Variants in TMED8 observed in about 807,000 individuals in gnomAD.
The protein encoded by TMED8 is protein TMED8.
In TMED8, 15 loss-of-function variants were observed where a neutral mutation model predicts 32.7. The ratio of observed to expected loss-of-function variants is 0.46; its 90% confidence interval spans 0.31 to 0.71. The LOEUF is 0.71. Ranked by LOEUF, TMED8 falls within the 30% of genes least tolerant of loss-of-function variation. TMED8 has a pLI of 0.06. For synonymous variants in TMED8, 147 were observed against 161.4 expected (o/e 0.91, Z 0.68); for missense variants, 390 against 423.9 (o/e 0.92, Z 0.70).
rs1892814852 is a variant in TMED8 at position 77,338,343 on chromosome 14, C to T, written c.*3428G>A. 1 of 152,206 alleles carries T rather than the reference C, an allele frequency of 6.6e-6. No individual in the cohort carries two copies. 9.4% of individuals were successfully genotyped at this position (152,206 alleles called of 1,614,324 possible). A position where few individuals can be genotyped will look rare whatever the true frequency, so the allele number is the denominator to read the frequency against. ...TCTTATTAGGTCTTTTCTGGAGAGT[C>T]TGACACCTTTTAAGGCCTAAAAAGA... On this transcript the variant is annotated 3_prime_UTR_variant, in exon 6 of 6. Transcript: ENST00000216468.
At chr14:77,366,944 CTT>C (rs1893563428) in intron 1 of TMED8, among the ~76,000 whole-genome samples, 1 of 152,086 alleles carries the variant, frequency 6.6e-6, no homozygotes. Context: ...TACACTGACT[CTT>C]TTAAAAACCT....
chr14:77,357,338 C>T (rs947044652), intron 1 of TMED8, among the ~76,000 whole-genome samples: 2 of 152,204 alleles, frequency 1.3e-5, no homozygotes, highest in Admixed American at 1.3e-4. Flanking sequence ...TCCTCATTAA[C>T]CCTGCACCTA....
intron 2 of TMED8, 38 bp from the exon 3 acceptor site, chr14:77,346,516 T>C: frequency 6.2e-7 from 1 of 1,611,744 alleles, no homozygotes; most frequent in Non-Finnish European, 8.5e-7. Context: ...CAAGGACTCT[T>C]TGAAAAGACT....
At chr14:77,343,614 T>C in intron 4 of TMED8, 83 bp downstream of exon 4, 1 of 1,590,140 alleles carries the variant, frequency 6.3e-7, no homozygotes, top group East Asian at 2.2e-5. Flanking sequence ...AGTCATTTTC[T>C]TTCCTTCCAT....
At position 77,345,995 on chromosome 14, in the gene TMED8, G is replaced by A. The variant is rs183226428; in HGVS notation, c.327+354C>T. Among the ~76,000 whole-genome samples, 228 of 146,092 alleles carry A rather than the reference G, an allele frequency of 1.6e-3. 2 individuals carry two copies. The highest frequency in any genetic ancestry group is 2.6e-3 in the Non-Finnish European group (176 of 66,452). On this transcript the variant is annotated intron_variant, in intron 3 of 5. Transcript: ENST00000216468. The stretch of plus-strand genomic sequence containing the variant: ...AAAAAAAAAAAAAAAAAAAGCTTCT[G>A]TGGAATCTTTATCATAAATACTAAA...
chr14:77,344,610 A>G (rs1417283656), intron 3 of TMED8, among the ~76,000 whole-genome samples: 2 of 152,210 alleles, frequency 1.3e-5, no homozygotes, highest in African/African-American at 4.8e-5. Context: ...TCCTGGTTTC[A>G]TGCTATTATA....
In TMED8 at chr14:77,376,870, T is replaced by C. The variant is rs1166710156; in HGVS notation, c.118+66A>G. ...GCCCAGGACAGAGCGCGGCGGAGGCTCGCGCCGTGGTGCGGGGCCCTGAGG... is the reference window on the plus strand; with the variant it reads ...GCCCAGGACAGAGCGCGGCGGAGGCCCGCGCCGTGGTGCGGGGCCCTGAGG... On this transcript the variant is annotated intron_variant, in intron 1 of 5. Coordinates refer to ENST00000216468, the MANE Select transcript of TMED8 (RefSeq NM_213601.3). This position sits in a 1 kb window ranked among gnomAD's most constrained non-coding sequence, Gnocchi z 4.0. The C allele has an allele frequency of 9.4e-7, 1 of 1,058,836 alleles. No individual in the cohort carries two copies. Among genetic ancestry groups the C allele is most frequent in the Non-Finnish European group, 1.3e-6 (1 of 798,370 alleles). 65.6% of individuals were successfully genotyped at this position (1,058,836 alleles called of 1,614,324 possible).
intron 1 of TMED8, among the ~76,000 whole-genome samples, chr14:77,352,134 T>TA (rs1353793039): frequency 2.0e-5 from 3 of 150,948 alleles, no homozygotes; most frequent in South Asian, 2.1e-4. Context: ...ACCCTGTCTC[T>TA]AAAAAAAATT....
intron 2 of TMED8, among the ~76,000 whole-genome samples, chr14:77,347,148 C>T (rs1301996896): frequency 6.6e-6 from 1 of 152,148 alleles, no homozygotes; most frequent in African/African-American, 2.4e-5. Flanking sequence ...TTATTCCTCA[C>T]TCTGCGGCCC....
chr14:77,371,371 T>C (rs1300917785), intron 1 of TMED8, among the ~76,000 whole-genome samples: 3 of 152,224 alleles, frequency 2.0e-5, no homozygotes, highest in Non-Finnish European at 4.4e-5. Context: ...TCCCTTATTA[T>C]GATTTAGGTT....
At chr14:77,343,567 TCAGA>T (rs1209948114) in intron 4 of TMED8, 84 bp from the exon 5 acceptor site, 2 of 1,578,650 alleles carry the variant, frequency 1.3e-6, no homozygotes, top group Non-Finnish European at 1.7e-6. Flanking sequence ...GCTGGCACAG[TCAGA>T]CATTCTTTCT....
At position 77,336,392 on chromosome 14, in the gene TMED8, C is replaced by T. The variant is rs1172110247; in HGVS notation, c.*5379G>A. 7.2e-5 allele frequency: 11 copies of T among 152,134 alleles called. No individual in the cohort carries two copies. The highest frequency in any genetic ancestry group is 7.2e-4 in the Admixed American group (11 of 15,274). The allele number at this position is 152,134 out of a possible 1,614,324, so 9.4% of individuals were successfully genotyped here. ...TCACATCATGAGCCTAATTTCAAAG[C>T]CAGTGTCTTGCCTTTGGACTGTGTG... On this transcript the variant is annotated 3_prime_UTR_variant, in exon 6 of 6. Transcript: ENST00000216468.
At chr14:77,342,734 C>A (rs1024690780) in intron 5 of TMED8, among the ~76,000 whole-genome samples, 1 of 152,132 alleles carries the variant, frequency 6.6e-6, no homozygotes, top group Non-Finnish European at 1.5e-5. Flanking sequence ...TAACCAATAG[C>A]CAGCTATGAG....
chr14:77,358,654 T>C (rs541188942), intron 1 of TMED8, among the ~76,000 whole-genome samples: 1 of 152,320 alleles, frequency 6.6e-6, no homozygotes, highest in South Asian at 2.1e-4. Context: ...TCGGTCTTGT[T>C]GTGGAAAATC....
intron 1 of TMED8, among the ~76,000 whole-genome samples, chr14:77,355,828 C>T (rs1440188179): frequency 6.6e-6 from 1 of 152,178 alleles, no homozygotes; most frequent in Non-Finnish European, 1.5e-5. Context: ...TGAGCACCTG[C>T]CCAAAAGTCA....
At chr14:77,371,893 T>C (rs1893685714) in intron 1 of TMED8, among the ~76,000 whole-genome samples, 1 of 152,240 alleles carries the variant, frequency 6.6e-6, no homozygotes, top group Admixed American at 6.5e-5. Context: ...GGAAATGTTT[T>C]TTATTTTTAA....
Position 77,340,344 on chromosome 14 carries a change from G to A in TMED8, c.*1427C>T, listed in dbSNP as rs1261972516. The A allele has an allele frequency of 6.6e-6, 1 of 152,142 alleles. No homozygotes were observed. The highest frequency in any genetic ancestry group is 2.4e-5 in the African/African-American group (1 of 41,418). The allele number at this position is 152,142 out of a possible 1,614,324, so 9.4% of individuals were successfully genotyped here. A position where few individuals can be genotyped will look rare whatever the true frequency, so the allele number is the denominator to read the frequency against. ...TCAGAACAGATGGGAAGCCTTCTGA[G>A]AAACAGATGGAAACTGTTTCAAAGG... On this transcript the variant is annotated 3_prime_UTR_variant, in exon 6 of 6. Coordinates refer to ENST00000216468, the MANE Select transcript of TMED8 (RefSeq NM_213601.3).
intron 1 of TMED8, among the ~76,000 whole-genome samples, chr14:77,355,866 G>C (rs1290089054): frequency 6.6e-6 from 1 of 152,218 alleles, no homozygotes; most frequent in Non-Finnish European, 1.5e-5. Context: ...AAAATCTGGA[G>C]TTGGTATCCA....
Position 77,364,363 on chromosome 14 carries a change from A to C in TMED8, c.118+12573T>G, listed in dbSNP as rs918752776. On this transcript the variant is annotated intron_variant, in intron 1 of 5. Coordinates refer to ENST00000216468, the MANE Select transcript of TMED8 (RefSeq NM_213601.3). ...CCTCTCGAGTAGCTCCTAGCTACTC[A>C]GGAGGCTGAGGCTAGGACCACAGGT... Among the ~76,000 whole-genome samples the C allele has an allele frequency of 1.8e-4, 27 of 152,074 alleles. 1 individual carries two copies. The East Asian group carries it at 3.5e-3, about 20-fold the overall frequency.
Sources: gnomAD v4.1 joint callset for allele counts (sites outside exome capture counted in the v4.1 genomes callset) on GRCh38, gnomAD v4.1.1 for gene constraint, Gnocchi (gnomAD v3.1) non-coding constraint, MANE v1.5 for transcripts, NCBI Gene and HGNC (gene_info 2026-07-23, HGNC 2026-07-21) for gene names.